Variants in ATRN observed in about 807,000 individuals in gnomAD.
ATRN encodes attractin, also known as attractin-2.
A neutral mutation model predicts 178.7 loss-of-function variants in ATRN; 54 were observed. The observed-to-expected ratio is 0.30, with a 90% CI of 0.24 to 0.38. The LOEUF (loss-of-function observed/expected upper bound fraction) is 0.38. Ranked by LOEUF, ATRN falls within the 10% of genes least tolerant of loss-of-function variation. The probability of loss-of-function intolerance (pLI) is 1.00; values close to 1 mark genes in which losing one functional copy is unlikely to be tolerated. For missense variants in ATRN, 1,443 were observed against 1,815.1 expected (o/e 0.79, Z 3.73); for synonymous variants, 636 against 663.0 (o/e 0.96, Z 0.63).
intron 18 of ATRN, among the ~76,000 whole-genome samples, chr20:3,588,977 T>TTTTA (rs2086397165): frequency 2.1e-5 from 2 of 94,782 alleles, no homozygotes; most frequent in South Asian, 4.5e-4. Flanking sequence ...TAGTATTTTC[T>TTTTA]TTTGTTTTTT....
At chr20:3,614,611 T>C (rs2086815833) in intron 24 of ATRN, among the ~76,000 whole-genome samples, 2 of 152,230 alleles carry the variant, frequency 1.3e-5, no homozygotes, top group African/African-American at 4.8e-5. Context: ...TTCACTTGGA[T>C]GTGCTTTTTT....
chr20:3,529,592 G>C (rs998168494), intron 1 of ATRN, among the ~76,000 whole-genome samples: 2 of 152,168 alleles, frequency 1.3e-5, no homozygotes, highest in Admixed American at 6.5e-5. Flanking sequence ...GTCAAATTCT[G>C]TAAAACTGAT....
In ATRN at chr20:3,540,211, A is replaced by C; in HGVS notation, c.495-11A>C. The C allele has an allele frequency of 6.7e-7, 1 of 1,489,632 alleles. No individual in the cohort carries two copies. Among genetic ancestry groups the C allele is most frequent in the Non-Finnish European group, 9.2e-7 (1 of 1,091,150 alleles). 92.3% of individuals were successfully genotyped at this position (1,489,632 alleles called of 1,614,324 possible). On this transcript the variant is annotated splice_polypyrimidine_tract_variant and intron_variant, in intron 2 of 28. Coordinates refer to ENST00000262919, the MANE Select transcript of ATRN (RefSeq NM_139321.3). ...AACTTTATTATAAATTACTTTTTTT[A>C]TTCTTTTCAGGCCAAATAGAATAAT...
At chr20:3,553,785 C>T (rs1230727322) in intron 6 of ATRN, among the ~76,000 whole-genome samples, 2 of 152,202 alleles carry the variant, frequency 1.3e-5, no homozygotes, top group South Asian at 4.1e-4. Flanking sequence ...TGTCTTCTCA[C>T]CCTTTAGATC....
At chr20:3,547,604 G>C in intron 5 of ATRN, 115 bp downstream of exon 5, 1 of 909,726 alleles carries the variant, frequency 1.1e-6, no homozygotes, top group Non-Finnish European at 1.6e-6. Context: ...TCAAATACGA[G>C]GTAGCATTTA....
intron 25 of ATRN, chr20:3,629,016 A>G (rs1239401841): frequency 3.0e-6 from 3 of 984,642 alleles, no homozygotes; most frequent in African/African-American, 3.5e-5. Context: ...GGTGTTCCCC[A>G]CCTCACTAAC....
chr20:3,471,665 G>A (rs1245909160), intron 1 of ATRN, 148 bp downstream of exon 1: 3 of 1,126,926 alleles, frequency 2.7e-6, no homozygotes, highest in African/African-American at 3.3e-5. Flanking sequence ...ATTTGCTTCC[G>A]GGGAGATCAT....
intron 6 of ATRN, among the ~76,000 whole-genome samples, chr20:3,558,350 CATTT>C (rs1470758703): frequency 1.3e-5 from 2 of 151,848 alleles, no homozygotes; most frequent in East Asian, 1.9e-4. Context: ...GATATATTAC[CATTT>C]ATTTGTTGAT....
intron 11 of ATRN, among the ~76,000 whole-genome samples, chr20:3,570,097 A>G (rs1035726691): frequency 1.3e-5 from 2 of 152,068 alleles, no homozygotes; most frequent in African/African-American, 4.8e-5. Flanking sequence ...TTGTTCTTTA[A>G]TATCTCTCAG....
intron 24 of ATRN, among the ~76,000 whole-genome samples, chr20:3,611,537 T>C (rs758595710): frequency 3.3e-5 from 5 of 151,516 alleles, no homozygotes; most frequent in Admixed American, 3.3e-4. Context: ...AGGTCAGGAG[T>C]TCAAGACCAG....
At chr20:3,508,272 C>T (rs959839839) in intron 1 of ATRN, among the ~76,000 whole-genome samples, 2 of 148,008 alleles carry the variant, frequency 1.4e-5, no homozygotes, top group Non-Finnish European at 3.0e-5. Context: ...GAAACCCAAA[C>T]AATGGAATGA....
At chr20:3,597,674 G>A (rs2146281632) in intron 21 of ATRN, among the ~76,000 whole-genome samples, 1 of 152,310 alleles carries the variant, frequency 6.6e-6, no homozygotes, top group East Asian at 1.9e-4. Flanking sequence ...GACGTTACTT[G>A]ATATTATGCT....
intron 25 of ATRN, among the ~76,000 whole-genome samples, chr20:3,633,711 G>A (rs1231713083): frequency 1.3e-5 from 2 of 152,134 alleles, no homozygotes; most frequent in Non-Finnish European, 2.9e-5. Context: ...AGAGAGCATT[G>A]AAATCCTCTG....
At chr20:3,493,315 C>T (rs1407555337) in intron 1 of ATRN, among the ~76,000 whole-genome samples, 1 of 147,870 alleles carries the variant, frequency 6.8e-6, no homozygotes, top group Non-Finnish European at 1.5e-5. Context: ...CATACCACAC[C>T]TGGCTAAATT....
chr20:3,495,313 T>C (rs1387410012), intron 1 of ATRN, among the ~76,000 whole-genome samples: 2 of 152,192 alleles, frequency 1.3e-5, no homozygotes, highest in Non-Finnish European at 2.9e-5. Context: ...ATTGGTTTGG[T>C]GTATTAGAAT....
intron 1 of ATRN, among the ~76,000 whole-genome samples, chr20:3,488,310 A>G (rs1475222622): frequency 7.9e-5 from 12 of 151,888 alleles, no homozygotes; most frequent in Admixed American, 7.9e-4. Context: ...TCTTCTGGAC[A>G]TTTCATTGTT....
intron 27 of ATRN, among the ~76,000 whole-genome samples, chr20:3,640,895 G>A (rs1014464174): frequency 1.3e-5 from 2 of 152,314 alleles, no homozygotes; most frequent in East Asian, 1.9e-4. Flanking sequence ...TAAGCACAAC[G>A]TGGTCTATGC....
rs566174695 is a variant in ATRN, at chr20:3,638,379, A to G, written c.3943-449A>G. Among the ~76,000 whole-genome samples the G allele has an allele frequency of 1.9e-4, 29 of 152,024 alleles. No homozygotes were observed. Among genetic ancestry groups the G allele is most frequent in the Admixed American group, 1.8e-3 (27 of 15,266 alleles). On this transcript the variant is annotated intron_variant, in intron 26 of 28. Transcript: ENST00000262919. The surrounding 1 kb of genome is among the most constrained non-coding windows in gnomAD (Gnocchi z 4.5). Reference sequence around the variant, plus strand: ...CTCCCACTTAAGAGTGAGGACATGGAGTATTTGGTTTTCTGTTCCTGTGTT... The same window carrying G: ...CTCCCACTTAAGAGTGAGGACATGGGGTATTTGGTTTTCTGTTCCTGTGTT...
intron 15 of ATRN, among the ~76,000 whole-genome samples, chr20:3,581,288 T>C (rs923032515): frequency 2.0e-5 from 3 of 152,210 alleles, no homozygotes; most frequent in African/African-American, 7.2e-5. Flanking sequence ...AGTATATCTT[T>C]TGTTTTATAA....
Sources: allele counts gnomAD v4.1 joint callset (sites outside exome capture counted in the v4.1 genomes callset), GRCh38; gene constraint gnomAD v4.1.1; non-coding constraint Gnocchi (gnomAD v3.1); transcripts MANE v1.5; gene names NCBI Gene and HGNC (gene_info 2026-07-23, HGNC 2026-07-21).